ARL15: variants seen among roughly 807,000 people sequenced by gnomAD.
ARL15 encodes the protein ARF like GTPase 15, also known as ADP-ribosylation factor-like protein 15.
ARL15 carries 19 observed loss-of-function variants against 25.2 expected under a neutral mutation model. The observed-to-expected ratio is 0.75, with a 90% CI of 0.53 to 1.10. ARL15 has a LOEUF of 1.10. ARL15 is among the 50% of genes least tolerant of loss of function. The pLI, the probability that ARL15 is intolerant of heterozygous loss-of-function variation, is 0.00. For synonymous variants in ARL15, 94 were observed against 86.8 expected (o/e 1.08, Z -0.46); for missense variants, 220 against 246.0 (o/e 0.89, Z 0.71).
intron 4 of ARL15, among the ~76,000 whole-genome samples, chr5:54,076,719 T>C (rs1751621476): frequency 6.6e-6 from 1 of 152,088 alleles, no homozygotes. Context: ...AGGTATATAA[T>C]TACAACACTT....
At chr5:54,112,002 A>T (rs1752755254) in intron 4 of ARL15, among the ~76,000 whole-genome samples, 1 of 152,078 alleles carries the variant, frequency 6.6e-6, no homozygotes, top group South Asian at 2.1e-4. Context: ...ATTACTTAAT[A>T]TTATCTATAA....
intron 3 of ARL15, among the ~76,000 whole-genome samples, chr5:54,125,472 T>C (rs565758538): frequency 9.3e-4 from 141 of 152,034 alleles, no homozygotes; most frequent in Non-Finnish European, 4.3e-4. Flanking sequence ...CACAAGGAAA[T>C]GAAATCTGCC....
chr5:53,914,207 A>G (rs1745557637), intron 4 of ARL15, among the ~76,000 whole-genome samples: 1 of 151,624 alleles, frequency 6.6e-6, no homozygotes, highest in African/African-American at 2.4e-5. Flanking sequence ...AAATCTCCCA[A>G]TGTTTTTGAT....
At chr5:54,005,015 T>C (rs1361757995) in intron 4 of ARL15, among the ~76,000 whole-genome samples, 6 of 146,566 alleles carry the variant, frequency 4.1e-5, no homozygotes, top group Non-Finnish European at 3.0e-5. Flanking sequence ...TTTTGAATAA[T>C]AGTTATTATT....
chr5:53,957,748 C>G (rs1001843487), intron 4 of ARL15, among the ~76,000 whole-genome samples: 1 of 151,796 alleles, frequency 6.6e-6, no homozygotes, highest in Non-Finnish European at 1.5e-5. Flanking sequence ...CAACTGAGCC[C>G]GGAAGGTCAA....
At chr5:53,948,875 C>T (rs1325549870) in intron 4 of ARL15, among the ~76,000 whole-genome samples, 2 of 152,126 alleles carry the variant, frequency 1.3e-5, no homozygotes, top group African/African-American at 4.8e-5. Context: ...GCTACTGAAA[C>T]ATAAATGTAC....
intron 1 of ARL15, among the ~76,000 whole-genome samples, chr5:54,219,512 C>G (rs959679849): frequency 6.6e-6 from 1 of 152,092 alleles, no homozygotes; most frequent in Non-Finnish European, 1.5e-5. Context: ...TCAAGACAAT[C>G]ACTGCAAAGA....
intron 4 of ARL15, among the ~76,000 whole-genome samples, chr5:54,019,636 A>C (rs2111830377): frequency 6.6e-6 from 1 of 152,336 alleles, no homozygotes; most frequent in African/African-American, 2.4e-5. Context: ...GCATATGCAT[A>C]ATTCCAGAAA....
intron 4 of ARL15, among the ~76,000 whole-genome samples, chr5:54,072,304 AG>A (rs1268566626): frequency 6.6e-6 from 1 of 152,210 alleles, no homozygotes; most frequent in Non-Finnish European, 1.5e-5. Context: ...GAACTGGCCA[AG>A]GTCACTGCAC....
intron 4 of ARL15, among the ~76,000 whole-genome samples, chr5:53,934,192 T>C (rs185090954): frequency 6.6e-6 from 1 of 152,314 alleles, no homozygotes; most frequent in African/African-American, 2.4e-5. Context: ...TAATTATTCG[T>C]TACAACAGAA....
At chr5:54,188,456 G>T (rs981415386) in intron 1 of ARL15, among the ~76,000 whole-genome samples, 2 of 151,986 alleles carry the variant, frequency 1.3e-5, no homozygotes, top group African/African-American at 4.8e-5. Context: ...AGCAAGAAAG[G>T]GCATGCTCAT....
intron 4 of ARL15, among the ~76,000 whole-genome samples, chr5:53,966,702 G>A (rs565401619): frequency 5.3e-5 from 8 of 152,222 alleles, no homozygotes; most frequent in Non-Finnish European, 1.2e-4. Context: ...GTCTTATTCC[G>A]TGTTGACGAC....
At chr5:54,198,010 T>C (rs1365949737) in intron 1 of ARL15, among the ~76,000 whole-genome samples, 1 of 151,852 alleles carries the variant, frequency 6.6e-6, no homozygotes, top group Non-Finnish European at 1.5e-5. Flanking sequence ...TCAATAAATG[T>C]AATCCAGCAT....
At chr5:54,190,392 C>CAA (rs35551500) in intron 1 of ARL15, among the ~76,000 whole-genome samples, 1 of 120,038 alleles carries the variant, frequency 8.3e-6, no homozygotes, top group Admixed American at 8.6e-5. Context: ...GACGTTGTCT[C>CAA]AAAAAAAAAA....
At chr5:54,188,905 C>T (rs141624583) in intron 1 of ARL15, among the ~76,000 whole-genome samples, 4 of 152,194 alleles carry the variant, frequency 2.6e-5, no homozygotes, top group Non-Finnish European at 5.9e-5. Flanking sequence ...TTCTCTTTGC[C>T]TAAGGTTTAC....
chr5:54,064,010 G>A (rs1023679366), intron 4 of ARL15, among the ~76,000 whole-genome samples: 11 of 152,098 alleles, frequency 7.2e-5, no homozygotes, highest in Non-Finnish European at 1.5e-4. Flanking sequence ...AGAAAAGTTG[G>A]TTTGAGTTTT....
Position 54,257,460 on chromosome 5 carries a change from G to T in ARL15, c.48+52972C>A, listed in dbSNP as rs1361695060. 2.6e-5 allele frequency among the ~76,000 whole-genome samples: 4 copies of T among 152,086 alleles called. No homozygotes were observed. The East Asian group carries it at 7.7e-4, about 29-fold the overall frequency. On this transcript the variant is annotated intron_variant, in intron 1 of 4. Coordinates refer to ENST00000504924, the MANE Select transcript of ARL15 (RefSeq NM_019087.3). ...CAACATTTGACTTTTGACCTGAGCTGCTAAGATAAACTGGGCCAAATTTCT... is the reference window on the plus strand; with the variant it reads ...CAACATTTGACTTTTGACCTGAGCTTCTAAGATAAACTGGGCCAAATTTCT...
intron 4 of ARL15, among the ~76,000 whole-genome samples, chr5:54,111,798 G>A (rs868601475): frequency 1.3e-5 from 2 of 151,832 alleles, no homozygotes; most frequent in East Asian, 1.9e-4. Flanking sequence ...CTCAGCAAAC[G>A]ACCTTATAAT....
At chr5:53,955,649 G>A (rs780307591) in intron 4 of ARL15, among the ~76,000 whole-genome samples, 2 of 152,136 alleles carry the variant, frequency 1.3e-5, no homozygotes, top group South Asian at 2.1e-4. Flanking sequence ...AAGCAATGCC[G>A]AATCAAGAGT....
Sources: allele counts gnomAD v4.1 joint callset (sites outside exome capture counted in the v4.1 genomes callset), GRCh38; gene constraint gnomAD v4.1.1; transcripts MANE v1.5; gene names NCBI Gene and HGNC (gene_info 2026-07-23, HGNC 2026-07-21).